The following THSD4 variants were observed in gnomAD, a reference collection of about 807,000 sequenced individuals.
THSD4 encodes the protein thrombospondin type-1 domain-containing protein 4.
THSD4 carries 69 observed loss-of-function variants against 119.0 expected under a neutral mutation model. The observed-to-expected ratio is 0.58, with a 90% CI of 0.48 to 0.71. The LOEUF (loss-of-function observed/expected upper bound fraction) is 0.71, where lower values mean the gene tolerates loss of function less well. Among genes scored for constraint, THSD4 ranks in the 30% least tolerant of loss-of-function variants. The pLI, the probability that THSD4 is intolerant of heterozygous loss-of-function variation, is 0.00. For synonymous variants in THSD4, 524 were observed against 540.4 expected (o/e 0.97, Z 0.42); for missense variants, 1,393 against 1,391.1 (o/e 1.00, Z -0.02).
At chr15:71,214,962 G>A (rs2043918350) in intron 3 of THSD4, 73 bp from the exon 4 acceptor site, 2 of 1,217,784 alleles carry the variant, frequency 1.6e-6, no homozygotes, top group Non-Finnish European at 2.1e-6. Context: ...TGGATAAGTC[G>A]ACCCTGCTCA....
chr15:71,178,174 C>G (rs1253858597), intron 3 of THSD4, among the ~76,000 whole-genome samples: 7 of 24,574 alleles, frequency 2.8e-4, no homozygotes, highest in Admixed American at 2.2e-3. Flanking sequence ...AAAGGGTATT[C>G]AATTAGGAAA....
At chr15:71,112,141 C>A, upstream of THSD4, 1 of 1,613,594 alleles carries the variant, frequency 6.2e-7, no homozygotes, top group East Asian at 2.2e-5. Context: ...GATTTGGGAG[C>A]CCTCACCACG....
intron 6 of THSD4, among the ~76,000 whole-genome samples, chr15:71,369,886 T>C (rs2140433560): frequency 6.6e-6 from 1 of 152,334 alleles, no homozygotes; most frequent in South Asian, 2.1e-4. Flanking sequence ...TCTGGTAGAA[T>C]TCGGCTGTGA....
At chr15:71,770,183 GGTT>G (rs549099467) in intron 16 of THSD4, among the ~76,000 whole-genome samples, 1 of 132,454 alleles carries the variant, frequency 7.5e-6, no homozygotes, top group South Asian at 2.5e-4. Flanking sequence ...AGGAGGCAGA[GGTT>G]GTTGTGAGCT....
chr15:71,773,358 A>G (rs930637557), intron 17 of THSD4, among the ~76,000 whole-genome samples: 7 of 152,246 alleles, frequency 4.6e-5, no homozygotes, highest in Non-Finnish European at 1.0e-4. Context: ...AATGACTGGC[A>G]TAAGCAAATC....
At chr15:71,228,358 TC>T (rs1270040760) in intron 4 of THSD4, among the ~76,000 whole-genome samples, 2 of 152,034 alleles carry the variant, frequency 1.3e-5, no homozygotes. Context: ...AAACAGATCC[TC>T]CCCCAGAGCC....
intron 7 of THSD4, chr15:71,547,539 T>C: frequency 6.5e-7 from 1 of 1,539,424 alleles, no homozygotes; most frequent in Non-Finnish European, 8.8e-7. Context: ...TTATATTTCC[T>C]CTTCTATCTA....
chr15:71,532,281 A>T (rs1466155869), intron 7 of THSD4, among the ~76,000 whole-genome samples: 6 of 113,138 alleles, frequency 5.3e-5, no homozygotes, highest in Admixed American at 1.8e-4. Flanking sequence ...AGAGAGAGAG[A>T]GAGTGTGTGT....
At position 71,215,380 on chromosome 15, in the gene THSD4, G is replaced by C. The variant is rs555894572; in HGVS notation, c.445G>C (p.Glu149Gln). The C allele has an allele frequency of 2.0e-6, 3 of 1,530,882 alleles. No homozygotes were observed. The highest frequency in any genetic ancestry group is 2.6e-6 in the Non-Finnish European group (3 of 1,144,636). The allele number at this position is 1,530,882 out of a possible 1,614,324, so 94.8% of individuals were successfully genotyped here. Residue 149 changes from glutamate to glutamine, a missense_variant, in exon 4 of 18, where the codon GAA becomes CAA. Physicochemically the swap from Glu to Gln is conservative, Grantham distance 29. Transcript: ENST00000261862. ...GSRHPQPQGLEVTGDRRSRTR... is the reference protein window; with the variant it reads ...GSRHPQPQGLQVTGDRRSRTR... ...CCGGCACCCACAGCCCCAGGGCCTC[G>C]AAGTCACTGGGGACAGAAGGTACAC...
chr15:71,478,716 T>C (rs78303418), intron 7 of THSD4, among the ~76,000 whole-genome samples: 2,803 of 152,272 alleles, frequency 0.018, 47 homozygotes, highest in Non-Finnish European at 0.027. Flanking sequence ...GGATGTGCAA[T>C]AATAAAATAT....
chr15:71,574,083 G>A (rs191193758), intron 7 of THSD4, among the ~76,000 whole-genome samples: 1 of 152,316 alleles, frequency 6.6e-6, no homozygotes, highest in Admixed American at 6.5e-5. Context: ...GCTCACTACT[G>A]TATCGCAGTA....
In THSD4 at chr15:71,411,837, A is replaced by T. The variant is rs377570519; in HGVS notation, c.1152+14A>T. On this transcript the variant is annotated intron_variant, in intron 7 of 17. Transcript: ENST00000261862. ...GGGCAGTGCAAGGTAAGTGCCCCCG[A>T]ACTGGGGTGAATTCTTAAGGTGTTT... 274 of 1,613,472 alleles carry T rather than the reference A, an allele frequency of 1.7e-4. No homozygotes were observed. Among genetic ancestry groups the T allele is most frequent in the Non-Finnish European group, 2.3e-4 (267 of 1,179,708 alleles).
At chr15:71,132,786 C>T (rs145669639) in intron 1 of THSD4, among the ~76,000 whole-genome samples, 1 of 152,320 alleles carries the variant, frequency 6.6e-6, no homozygotes, top group African/African-American at 2.4e-5. Context: ...ACCTTCCTTC[C>T]CCAACACACG....
chr15:71,215,641 A>G (rs2043926582), intron 4 of THSD4, among the ~76,000 whole-genome samples: 1 of 152,228 alleles, frequency 6.6e-6, no homozygotes, highest in South Asian at 2.1e-4. Flanking sequence ...CTTCAAAGCC[A>G]GGCTAATTCT....
chr15:71,321,330 G>C (rs2045265225), intron 6 of THSD4, among the ~76,000 whole-genome samples: 1 of 152,212 alleles, frequency 6.6e-6, no homozygotes, highest in African/African-American at 2.4e-5. Context: ...GAGGTCAGGA[G>C]TTGGAGACCA....
intron 8 of THSD4, among the ~76,000 whole-genome samples, chr15:71,668,079 C>G (rs8035638): frequency 0.27 from 40,298 of 151,772 alleles, 6,244 homozygotes; most frequent in East Asian, 0.74. Flanking sequence ...AGTGGATGTA[C>G]CATTATTTAT....
intron 7 of THSD4, among the ~76,000 whole-genome samples, chr15:71,503,759 C>G (rs1567011802): frequency 6.6e-6 from 1 of 152,156 alleles, no homozygotes; most frequent in Non-Finnish European, 1.5e-5. Flanking sequence ...ATGTCACTCT[C>G]CAGGGTTGTT....
At chr15:71,357,011 G>A (rs928546089) in intron 6 of THSD4, among the ~76,000 whole-genome samples, 3 of 152,164 alleles carry the variant, frequency 2.0e-5, no homozygotes, top group African/African-American at 7.2e-5. Context: ...TTGTGGATTT[G>A]GGGTAAGAAG....
At chr15:71,758,833 G>GT (rs2053585518) in intron 15 of THSD4, among the ~76,000 whole-genome samples, 9 of 152,044 alleles carry the variant, frequency 5.9e-5, no homozygotes, top group African/African-American at 2.2e-4. Context: ...AACTGACCTT[G>GT]GAAAAAAATG....
Sources: allele counts gnomAD v4.1 joint callset (sites outside exome capture counted in the v4.1 genomes callset), GRCh38; gene constraint gnomAD v4.1.1; transcripts MANE v1.5; gene names NCBI Gene and HGNC (gene_info 2026-07-23, HGNC 2026-07-21).